Variants in ONECUT2 observed in about 807,000 individuals in gnomAD.
The protein encoded by ONECUT2 is one cut domain family member 2.
ONECUT2 carries 10 observed loss-of-function variants against 27.9 expected under a neutral mutation model. The observed-to-expected ratio is 0.36, with a 90% confidence interval of 0.22 to 0.61. The LOEUF (loss-of-function observed/expected upper bound fraction) is 0.61. Ranked by LOEUF, ONECUT2 falls within the 20% of genes least tolerant of loss-of-function variation. The probability of loss-of-function intolerance (pLI) is 0.73; values close to 1 mark genes in which losing one functional copy is unlikely to be tolerated. For synonymous variants in ONECUT2, 334 were observed against 315.1 expected (o/e 1.06, Z -0.64); for missense variants, 686 against 721.0 (o/e 0.95, Z 0.56).
intron 1 of ONECUT2, among the ~76,000 whole-genome samples, chr18:57,469,292 G>T (rs566870872): frequency 6.6e-6 from 1 of 152,300 alleles, no homozygotes; most frequent in East Asian, 1.9e-4. Context: ...TTTCAAACCT[G>T]TATCCTTGGA....
At position 57,436,153 on chromosome 18, in the gene ONECUT2, A is replaced by G; in HGVS notation, c.437A>G (p.Asn146Ser). The change falls in exon 1 of 2, where the codon AAC (asparagine) becomes AGC (serine). Residue 146 changes from asparagine to serine, a missense_variant. Asn to Ser is a conservative substitution (Grantham distance 46, BLOSUM62 1). Transcript: ENST00000491143. The surrounding 1 kb of genome is among the most constrained non-coding windows in gnomAD (Gnocchi z 5.9). ...DSSPPGMGMSNTYTTLTPLQP... is the reference protein window; with the variant it reads ...DSSPPGMGMSSTYTTLTPLQP... ...TCTCCGCCTGGCATGGGCATGAGCAACACCTACACCACGCTGACACCGCTC... is the reference window on the plus strand; with the variant it reads ...TCTCCGCCTGGCATGGGCATGAGCAGCACCTACACCACGCTGACACCGCTC... 7 of 1,605,932 alleles carry G rather than the reference A, an allele frequency of 4.4e-6. No homozygotes were observed. The highest frequency in any genetic ancestry group is 5.9e-6 in the Non-Finnish European group (7 of 1,179,832).
chr18:57,470,423 G>C (rs954342838), intron 1 of ONECUT2, among the ~76,000 whole-genome samples: 4 of 152,204 alleles, frequency 2.6e-5, no homozygotes, highest in Non-Finnish European at 4.4e-5. Context: ...TTCTCCAAGA[G>C]TAAAATGGGA....
At chr18:57,442,618 C>T (rs372823789) in intron 1 of ONECUT2, among the ~76,000 whole-genome samples, 3 of 152,098 alleles carry the variant, frequency 2.0e-5, no homozygotes, top group Non-Finnish European at 2.9e-5. Context: ...TTTGGTCTGG[C>T]GGACAACTGG....
In ONECUT2 at chr18:57,479,867, A is replaced by C. The variant is rs73441055; in HGVS notation, c.*3144A>C. ...CCAGACCCCCTCAGTGAGCAGGTCC[A>C]CCAAAGGGACTTCTCACAGGGGAAG... On this transcript the variant is annotated 3_prime_UTR_variant, in exon 2 of 2. Transcript: ENST00000491143. 6.6e-6 allele frequency: 1 copy of C among 152,190 alleles called. No homozygotes were observed. The highest frequency in any genetic ancestry group is 2.1e-4 in the South Asian group (1 of 4,834). The allele number at this position is 152,190 out of a possible 1,614,324, so 9.4% of individuals were successfully genotyped here.
intron 1 of ONECUT2, among the ~76,000 whole-genome samples, chr18:57,468,934 C>G (rs1045632608): frequency 3.3e-5 from 5 of 152,302 alleles, no homozygotes; most frequent in African/African-American, 9.6e-5. Flanking sequence ...ACACCATCAC[C>G]TCTCCCATAG....
At chr18:57,470,867 C>T (rs1309330786) in intron 1 of ONECUT2, among the ~76,000 whole-genome samples, 3 of 152,146 alleles carry the variant, frequency 2.0e-5, no homozygotes, top group Admixed American at 2.0e-4. Context: ...CCTTGCTTCC[C>T]CTCCCCACCA....
At position 57,484,463 on chromosome 18, in the gene ONECUT2, G is replaced by A. The variant is rs1472031183; in HGVS notation, c.*7740G>A. ...GACGGCGGCTGCTAATTTGGAAAGG[G>A]ATATTTTCTGTGTTTCTCTTATATG... is the stretch of plus-strand genomic sequence containing the variant. On this transcript the variant is annotated 3_prime_UTR_variant, in exon 2 of 2. Coordinates refer to ENST00000491143, the MANE Select transcript of ONECUT2 (RefSeq NM_004852.3). 3 of 152,616 alleles carry A rather than the reference G, an allele frequency of 2.0e-5. No individual in the cohort carries two copies. Among genetic ancestry groups the A allele is most frequent in the African/African-American group, 7.2e-5 (3 of 41,436 alleles). 9.5% of individuals were successfully genotyped at this position (152,616 alleles called of 1,614,324 possible).
chr18:57,449,607 T>C (rs755362949), intron 1 of ONECUT2, among the ~76,000 whole-genome samples: 5 of 152,214 alleles, frequency 3.3e-5, no homozygotes, highest in Non-Finnish European at 2.9e-5. Context: ...ATCACTAGAC[T>C]CTAGACTAAG....
chr18:57,458,499 CCTT>C (rs1202726173), intron 1 of ONECUT2, among the ~76,000 whole-genome samples: 2 of 152,144 alleles, frequency 1.3e-5, no homozygotes, highest in Non-Finnish European at 1.5e-5. Flanking sequence ...TTCCAAAGCT[CCTT>C]CTTTCCTTTG....
In ONECUT2 at chr18:57,480,149, A is replaced by C. The variant is rs1042560954; in HGVS notation, c.*3426A>C. 2 of 152,130 alleles carry C rather than the reference A, an allele frequency of 1.3e-5. No individual in the cohort carries two copies. Among genetic ancestry groups the C allele is most frequent in the African/African-American group, 2.4e-5 (1 of 41,408 alleles). The allele number at this position is 152,130 out of a possible 1,614,324, so 9.4% of individuals were successfully genotyped here. A position where few individuals can be genotyped will look rare whatever the true frequency, so the allele number is the denominator to read the frequency against. On this transcript the variant is annotated 3_prime_UTR_variant, in exon 2 of 2. Coordinates refer to ENST00000491143, the MANE Select transcript of ONECUT2 (RefSeq NM_004852.3). ...TCCCCCTATGTGGGTCTCCCTATGC[A>C]GGAGCTGTGAGAGAATGTGACTCTC...
rs2050385234 is a variant in ONECUT2, at chr18:57,476,783, A to G, written c.*60A>G. On this transcript the variant is annotated 3_prime_UTR_variant, in exon 2 of 2. Transcript: ENST00000491143. Reference sequence around the variant, plus strand: ...AAATGAGGACAACAGATACCAAAAGAAAACAAAGGAAAAAGACACCGGATT... The same window carrying G: ...AAATGAGGACAACAGATACCAAAAGGAAACAAAGGAAAAAGACACCGGATT... The G allele has an allele frequency of 6.5e-7, 1 of 1,529,762 alleles. No homozygotes were observed. Among genetic ancestry groups the G allele is most frequent in the Non-Finnish European group, 8.8e-7 (1 of 1,141,686 alleles). 94.8% of individuals were successfully genotyped at this position (1,529,762 alleles called of 1,614,324 possible). A position where few individuals can be genotyped will look rare whatever the true frequency, so the allele number is the denominator to read the frequency against.
intron 1 of ONECUT2, among the ~76,000 whole-genome samples, chr18:57,473,377 G>A (rs1026832346): frequency 6.6e-6 from 1 of 152,142 alleles, no homozygotes; most frequent in East Asian, 1.9e-4. Flanking sequence ...GAGTTACTGG[G>A]GTAATACAAT....
In ONECUT2 at chr18:57,486,089, G is replaced by A. The variant is rs1464319333; in HGVS notation, c.*9366G>A. 1 of 152,762 alleles carries A rather than the reference G, an allele frequency of 6.5e-6. No homozygotes were observed. The highest frequency in any genetic ancestry group is 2.4e-5 in the African/African-American group (1 of 41,442). 9.5% of individuals were successfully genotyped at this position (152,762 alleles called of 1,614,324 possible). On this transcript the variant is annotated 3_prime_UTR_variant, in exon 2 of 2. Transcript: ENST00000491143. ...CCACACCCATACGAGAGAGGATCTAGAAAGAGCGATGGCAGCCTGAACACA... is the reference window on the plus strand; with the variant it reads ...CCACACCCATACGAGAGAGGATCTAAAAAGAGCGATGGCAGCCTGAACACA...
chr18:57,444,259 G>A (rs565581380), intron 1 of ONECUT2: 249 of 429,188 alleles, frequency 5.8e-4, no homozygotes, highest in African/African-American at 4.7e-3. Context: ...CCTTGGAGAT[G>A]GTTAAGGATA....
intron 1 of ONECUT2, among the ~76,000 whole-genome samples, chr18:57,449,170 C>T (rs994829257): frequency 6.6e-6 from 1 of 152,170 alleles, no homozygotes; most frequent in African/African-American, 2.4e-5. Flanking sequence ...TTTCTCTGTC[C>T]TCCTAAATTG....
Position 57,483,572 on chromosome 18 carries a change from AC to A in ONECUT2, c.*6850del, listed in dbSNP as rs2050426009. On this transcript the variant is annotated 3_prime_UTR_variant, in exon 2 of 2. Transcript: ENST00000491143. ...TCCTTAGTTTGATTCTACTCCTTGTACTTATTTATCAAAACCTAGACCAATG... is the reference window on the plus strand; with the variant it reads ...TCCTTAGTTTGATTCTACTCCTTGTATTATTTATCAAAACCTAGACCAATG... 3 of 152,562 alleles carry A rather than the reference AC, an allele frequency of 2.0e-5. No individual in the cohort carries two copies. The South Asian group carries it at 6.2e-4, about 32-fold the overall frequency. 9.5% of individuals were successfully genotyped at this position (152,562 alleles called of 1,614,324 possible).
rs2050392478 is a variant in ONECUT2 at position 57,477,775 on chromosome 18, G to A, written c.*1052G>A. Reference sequence around the variant, plus strand: ...AGTCATCTGGTCCCTCCTACTGTGTGTTATGACCACCACGTAATCCATTCT... The same window carrying A: ...AGTCATCTGGTCCCTCCTACTGTGTATTATGACCACCACGTAATCCATTCT... On this transcript the variant is annotated 3_prime_UTR_variant, in exon 2 of 2. Coordinates refer to ENST00000491143, the MANE Select transcript of ONECUT2 (RefSeq NM_004852.3). The A allele has an allele frequency of 6.6e-6, 1 of 152,440 alleles. No individual in the cohort carries two copies. Among genetic ancestry groups the A allele is most frequent in the South Asian group, 2.1e-4 (1 of 4,832 alleles). The allele number at this position is 152,440 out of a possible 1,614,324, so 9.4% of individuals were successfully genotyped here.
At chr18:57,442,241 TGGG>T (rs1568118312) in intron 1 of ONECUT2, among the ~76,000 whole-genome samples, 4 of 126,390 alleles carry the variant, frequency 3.2e-5, no homozygotes, top group African/African-American at 1.3e-4. Context: ...CTAATTCTTC[TGGG>T]TTTTTTTTTT....
chr18:57,486,749 T>C lies in ONECUT2; in HGVS notation c.*10026T>C, dbSNP rs1340077346. On this transcript the variant is annotated 3_prime_UTR_variant, in exon 2 of 2. Coordinates refer to ENST00000491143, the MANE Select transcript of ONECUT2 (RefSeq NM_004852.3). ...TGCTGGATTGGGGAAAGTTGCAGAA[T>C]GAGCCCAAAGTTTACAGTTTCATAT... 2 of 152,668 alleles carry C rather than the reference T, an allele frequency of 1.3e-5. No individual in the cohort carries two copies. Among genetic ancestry groups the C allele is most frequent in the African/African-American group, 4.8e-5 (2 of 41,458 alleles). The allele number at this position is 152,668 out of a possible 1,614,324, so 9.5% of individuals were successfully genotyped here.
Sources: allele counts gnomAD v4.1 joint callset (sites outside exome capture counted in the v4.1 genomes callset), GRCh38; gene constraint gnomAD v4.1.1; non-coding constraint Gnocchi (gnomAD v3.1); transcripts MANE v1.5; gene names NCBI Gene and HGNC (gene_info 2026-07-23, HGNC 2026-07-21).